Variants in PDE4D observed in about 807,000 individuals in gnomAD.
PDE4D encodes the protein phosphodiesterase 4D.
In PDE4D, 24 loss-of-function variants were observed where a neutral mutation model predicts 87.4. That is an observed-to-expected ratio of 0.27 (90% CI 0.20 to 0.39). The LOEUF is 0.39. Among genes scored for constraint, PDE4D ranks in the 10% least tolerant of loss-of-function variants. PDE4D has a pLI of 1.00. For synonymous variants in PDE4D, 384 were observed against 383.2 expected, an observed-to-expected ratio of 1.00 and a Z score of -0.02; for missense variants, 714 against 1,041.0, an observed-to-expected ratio of 0.69 and a Z score of 4.32.
chr5:59,395,081 A>C (rs1261876016), intron 1 of PDE4D, among the ~76,000 whole-genome samples: 1 of 152,080 alleles, frequency 6.6e-6, no homozygotes, highest in Non-Finnish European at 1.5e-5. Flanking sequence ...GGAGGGTCCT[A>C]CCCCACGGAG....
upstream of PDE4D, among the ~76,000 whole-genome samples, chr5:59,894,869 T>C (rs2152757871): frequency 6.6e-6 from 1 of 152,352 alleles, no homozygotes; most frequent in African/African-American, 2.4e-5. Context: ...CCAAGAGGAT[T>C]TCAGGGCAAT....
At chr5:60,267,459 G>T (rs1750335744) in intron 1 of PDE4D, among the ~76,000 whole-genome samples, 1 of 152,148 alleles carries the variant, frequency 6.6e-6, no homozygotes, top group Non-Finnish European at 1.5e-5. Flanking sequence ...AGATGAGAAA[G>T]AGCTTGACTG....
chr5:59,208,099 G>A lies in PDE4D; in HGVS notation c.647+7678C>T, dbSNP rs549378405. 1.8e-4 allele frequency among the ~76,000 whole-genome samples: 27 copies of A among 152,148 alleles called. No homozygotes were observed. In the East Asian group the frequency reaches 4.1e-3, roughly 23 times the overall value. ...GGAGAATCGCTTGAACCTGGGAGGC[G>A]GAGGATGCAGTGAGCTGAGATTGTG... On this transcript the variant is annotated intron_variant, in intron 2 of 14. Transcript: ENST00000340635.
At chr5:59,923,630 A>C (rs886571085) in intron 3 of PDE4D, among the ~76,000 whole-genome samples, 1 of 152,236 alleles carries the variant, frequency 6.6e-6, no homozygotes, top group East Asian at 1.9e-4. Flanking sequence ...GGACACCTCC[A>C]TGGGTCAGCA....
At position 60,478,781 on chromosome 5, in the gene PDE4D, C is replaced by G. The variant is rs183739378; in HGVS notation, c.-90+9161G>C. 1.3e-3 allele frequency among the ~76,000 whole-genome samples: 193 copies of G among 152,312 alleles called. 1 individual carries two copies. The highest frequency in any genetic ancestry group is 2.1e-3 in the Non-Finnish European group (142 of 68,020). On this transcript the variant is annotated intron_variant, in intron 1 of 16. Transcript: ENST00000502484. ...TGTTTGAAGAGGCTTTCTCACCCAG[C>G]CTCCTTCATGCTTGCAGACTCATAC...
chr5:59,882,637 G>C (rs928211704), intron 1 of PDE4D, among the ~76,000 whole-genome samples: 2 of 151,960 alleles, frequency 1.3e-5, no homozygotes, highest in African/African-American at 4.8e-5. Context: ...TGTATTTAAT[G>C]GGGCTACATT....
At chr5:59,046,421 T>C (rs1253417841) in intron 5 of PDE4D, among the ~76,000 whole-genome samples, 1 of 93,044 alleles carries the variant, frequency 1.1e-5, no homozygotes, top group African/African-American at 5.0e-5. Flanking sequence ...AGAGAGAGAA[T>C]GTGTGTGTGT....
chr5:59,514,824 A>C (rs978808220), intron 1 of PDE4D, among the ~76,000 whole-genome samples: 1 of 152,154 alleles, frequency 6.6e-6, no homozygotes, highest in Non-Finnish European at 1.5e-5. Flanking sequence ...GTTCCATGTA[A>C]AGAGCTTAGA....
At chr5:59,248,535 G>C (rs1410333024) in intron 1 of PDE4D, among the ~76,000 whole-genome samples, 1 of 151,984 alleles carries the variant, frequency 6.6e-6, no homozygotes, top group Admixed American at 6.6e-5. Flanking sequence ...ACAAGAAAAG[G>C]TAAAAGTTTC....
At chr5:59,010,192 T>C (rs1752486972) in intron 6 of PDE4D, among the ~76,000 whole-genome samples, 1 of 152,040 alleles carries the variant, frequency 6.6e-6, no homozygotes, top group African/African-American at 2.4e-5. Flanking sequence ...CAGGGTGTGG[T>C]GGTGCACTCA....
intron 2 of PDE4D, among the ~76,000 whole-genome samples, chr5:60,117,819 C>T (rs1269007618): frequency 6.6e-6 from 1 of 151,334 alleles, no homozygotes; most frequent in South Asian, 2.1e-4. Flanking sequence ...CACAAACACA[C>T]ACACATACAC....
intron 1 of PDE4D, among the ~76,000 whole-genome samples, chr5:60,343,555 T>G (rs527526391): frequency 6.6e-6 from 1 of 152,212 alleles, no homozygotes; most frequent in African/African-American, 2.4e-5. Flanking sequence ...TAGGAATTGT[T>G]GCCTGTCACA....
Position 59,120,581 on chromosome 5 carries a change from T to TAA in PDE4D, c.808+60012_808+60013dup, listed in dbSNP as rs11349021. ...GCCCAATTCTTTCTCCCTTTCTCTT[T>TAA]AAAAAAAAAAATTATTGTACTGCTC... is the stretch of plus-strand genomic sequence containing the variant. On this transcript the variant is annotated intron_variant, in intron 5 of 14. Transcript: ENST00000340635. Among the ~76,000 whole-genome samples, 13 of 148,870 alleles carry TAA rather than the reference T, an allele frequency of 8.7e-5. 1 individual carries two copies. The highest frequency in any genetic ancestry group is 3.2e-4 in the African/African-American group (13 of 40,882).
intron 2 of PDE4D, among the ~76,000 whole-genome samples, chr5:60,148,944 A>T (rs750198379): frequency 1.3e-5 from 2 of 152,182 alleles, no homozygotes; most frequent in Non-Finnish European, 2.9e-5. Context: ...TGATTTTTTC[A>T]GGGCAAAGTA....
At chr5:59,907,659 A>G (rs957402639) in intron 3 of PDE4D, among the ~76,000 whole-genome samples, 2 of 152,188 alleles carry the variant, frequency 1.3e-5, no homozygotes, top group Non-Finnish European at 2.9e-5. Context: ...TTTATAAATA[A>G]CATTCTCTCT....
intron 1 of PDE4D, among the ~76,000 whole-genome samples, chr5:59,225,341 A>G (rs1753529401): frequency 6.6e-6 from 1 of 152,116 alleles, no homozygotes; most frequent in Non-Finnish European, 1.5e-5. Context: ...TCTTGGCTCT[A>G]TTCTGTTCTA....
chr5:58,972,635 T>TATCTC lies in PDE4D; in HGVS notation c.*2024_*2028dup, dbSNP rs1383734349. 1.3e-5 allele frequency: 2 copies of TATCTC among 152,206 alleles called. No individual in the cohort carries two copies. The highest frequency in any genetic ancestry group is 2.9e-5 in the Non-Finnish European group (2 of 68,036). 9.4% of individuals were successfully genotyped at this position (152,206 alleles called of 1,614,324 possible). On this transcript the variant is annotated 3_prime_UTR_variant, in exon 15 of 15. Transcript: ENST00000340635. ...TCAGATACCCACTTTGGCTTCTATC[T>TATCTC]ATCTCAATTCTTGAATATCAATGTG...
intron 1 of PDE4D, among the ~76,000 whole-genome samples, chr5:60,265,538 G>C (rs1562271288): frequency 6.6e-6 from 1 of 152,144 alleles, no homozygotes; most frequent in Admixed American, 6.5e-5. Flanking sequence ...ACCTCTCTTG[G>C]AACCTTAATT....
At chr5:59,400,742 A>C (rs200909812) in intron 1 of PDE4D, among the ~76,000 whole-genome samples, 2 of 52,234 alleles carry the variant, frequency 3.8e-5, no homozygotes, top group South Asian at 1.2e-3. Context: ...ATAATAAAAA[A>C]AATAAAAAAA....
Sources: allele counts gnomAD v4.1 joint callset (sites outside exome capture counted in the v4.1 genomes callset), GRCh38; gene constraint gnomAD v4.1.1; transcripts MANE v1.5; gene names NCBI Gene and HGNC (gene_info 2026-07-23, HGNC 2026-07-21).